Variants in RAPH1 observed in about 807,000 individuals in gnomAD.
The protein encoded by RAPH1 is Ras association (RalGDS/AF-6) and pleckstrin homology domains 1, also known as ras-associated and pleckstrin homology domains-containing protein 1.
RAPH1 carries 18 observed loss-of-function variants against 88.1 expected under a neutral mutation model. The observed-to-expected ratio is 0.20, with a 90% CI of 0.14 to 0.30. The LOEUF is 0.30. RAPH1 is among the 10% of genes least tolerant of loss of function. The pLI, the probability that RAPH1 is intolerant of heterozygous loss-of-function variation, is 1.00. For missense variants in RAPH1, 1,448 were observed against 1,543.2 expected, an observed-to-expected ratio of 0.94 and a Z score of 1.03; for synonymous variants, 587 against 559.0, an observed-to-expected ratio of 1.05 and a Z score of -0.71.
intron 1 of RAPH1, among the ~76,000 whole-genome samples, chr2:203,511,995 C>T (rs1305173087): frequency 1.3e-5 from 2 of 151,594 alleles, no homozygotes; most frequent in Non-Finnish European, 1.5e-5. Context: ...CCCCTATAGT[C>T]CCAGCTACTC....
At position 203,448,474 on chromosome 2, in the gene RAPH1, T is replaced by C. The variant is rs1473775723; in HGVS notation, c.1512+264A>G. 6.6e-6 allele frequency among the ~76,000 whole-genome samples: 1 copy of C among 152,216 alleles called. No homozygotes were observed. The highest frequency in any genetic ancestry group is 1.5e-5 in the Non-Finnish European group (1 of 68,036). On this transcript the variant is annotated intron_variant, in intron 11 of 13. Coordinates refer to ENST00000319170, the MANE Select transcript of RAPH1 (RefSeq NM_213589.3). This position sits in a 1 kb window ranked among gnomAD's most constrained non-coding sequence, Gnocchi z 4.1. ...ACTCTACTATTTAAGAATCATATAATGCATTCTCCAAAGCCAAAATAAATC... is the reference window on the plus strand; with the variant it reads ...ACTCTACTATTTAAGAATCATATAACGCATTCTCCAAAGCCAAAATAAATC...
chr2:203,534,452 A>C (rs1690520257), intron 1 of RAPH1, among the ~76,000 whole-genome samples: 1 of 142,474 alleles, frequency 7.0e-6, no homozygotes, highest in African/African-American at 2.6e-5. Context: ...ACATCTTTCA[A>C]CCTGTCTTAA....
chr2:203,499,900 C>T (rs554304473), intron 1 of RAPH1, among the ~76,000 whole-genome samples: 1 of 152,248 alleles, frequency 6.6e-6, no homozygotes, highest in South Asian at 2.1e-4. Flanking sequence ...AATGAGGTGC[C>T]CCCAGACATT....
Position 203,520,549 on chromosome 2 carries a change from C to T in RAPH1, c.-1+14562G>A, listed in dbSNP as rs1178026797. Among the ~76,000 whole-genome samples, 5 of 152,020 alleles carry T rather than the reference C, an allele frequency of 3.3e-5. No individual in the cohort carries two copies. The East Asian group carries it at 5.8e-4, about 18-fold the overall frequency. Reference sequence around the variant, plus strand: ...GGCTGAGGCAGGAGAATCGCCTGAACCCAGGAGGTGGAGGATGCAGTGAGC... The same window carrying T: ...GGCTGAGGCAGGAGAATCGCCTGAATCCAGGAGGTGGAGGATGCAGTGAGC... On this transcript the variant is annotated intron_variant, in intron 1 of 13. Coordinates refer to ENST00000319170, the MANE Select transcript of RAPH1 (RefSeq NM_213589.3).
Position 203,489,022 on chromosome 2 carries a change from A to T in RAPH1, c.732+562T>A, listed in dbSNP as rs75368795. On this transcript the variant is annotated intron_variant, in intron 4 of 13. Coordinates refer to ENST00000319170, the MANE Select transcript of RAPH1 (RefSeq NM_213589.3). Reference sequence around the variant, plus strand: ...GCCTGTAATCCCAGCTACACTTGGGAGTCTGAGGCAGGAGAATCACTTGAA... The same window carrying T: ...GCCTGTAATCCCAGCTACACTTGGGTGTCTGAGGCAGGAGAATCACTTGAA... 5.5e-4 allele frequency among the ~76,000 whole-genome samples: 83 copies of T among 152,116 alleles called. No homozygotes were observed. In the East Asian group the frequency reaches 0.015, roughly 28 times the overall value.
intron 1 of RAPH1, among the ~76,000 whole-genome samples, chr2:203,525,821 G>A (rs977275016): frequency 6.6e-6 from 1 of 152,102 alleles, no homozygotes; most frequent in African/African-American, 2.4e-5. Context: ...CAAGAAGCTG[G>A]AGACAAAAGC....
intron 1 of RAPH1, among the ~76,000 whole-genome samples, chr2:203,534,633 A>G (rs1013497074): frequency 4.6e-5 from 7 of 152,090 alleles, no homozygotes; most frequent in South Asian, 2.1e-4. Flanking sequence ...TAGAAAGAAG[A>G]CACAGAAGGA....
In RAPH1 at chr2:203,485,711, G is replaced by T. The variant is rs145513391; in HGVS notation, c.732+3873C>A. On this transcript the variant is annotated intron_variant, in intron 4 of 13. Transcript: ENST00000319170. ...AGAGCAGTGGTGATTCTCAATTGGG[G>T]GTGGATTTTGTCCTACAAGCAACAT... Among the ~76,000 whole-genome samples, 7 of 152,184 alleles carry T rather than the reference G, an allele frequency of 4.6e-5. No individual in the cohort carries two copies. The East Asian group carries it at 1.2e-3, about 25-fold the overall frequency.
chr2:203,501,816 A>ACC (rs1559490631), intron 1 of RAPH1, among the ~76,000 whole-genome samples: 11 of 28,770 alleles, frequency 3.8e-4, no homozygotes, highest in African/African-American at 1.3e-3. Context: ...AAGCATTATG[A>ACC]AAAAAAAAAA....
At chr2:203,495,636 C>G (rs186922308) in intron 1 of RAPH1, among the ~76,000 whole-genome samples, 181 of 152,138 alleles carry the variant, frequency 1.2e-3, no homozygotes, top group Non-Finnish European at 2.2e-3. Flanking sequence ...ACAGAGCACC[C>G]CTTTCAATCA....
At chr2:203,458,733 G>C (rs1446478816) in intron 7 of RAPH1, among the ~76,000 whole-genome samples, 1 of 151,834 alleles carries the variant, frequency 6.6e-6, no homozygotes, top group East Asian at 1.9e-4. Flanking sequence ...AGAACCCATG[G>C]ATATAGAGGG....
chr2:203,478,486 T>G (rs775765520), intron 4 of RAPH1, among the ~76,000 whole-genome samples: 2 of 146,006 alleles, frequency 1.4e-5, no homozygotes, highest in Non-Finnish European at 3.0e-5. Flanking sequence ...TCATTTTTTG[T>G]TTTTTTTTGT....
rs770297409 is a variant in RAPH1 at position 203,441,236 on chromosome 2, G to A, written c.1954C>T (p.Gln652Ter). Reference sequence around the variant, plus strand: ...GCTGAGCCTGCAGAAGGTGCAGACTGGCTGGGGAGTGGGGGAGGAGGGGGT... The same window carrying A: ...GCTGAGCCTGCAGAAGGTGCAGACTAGCTGGGGAGTGGGGGAGGAGGGGGT... ...PPPPPPPLPS[Q>*]SAPSAGSAAP... The change falls in exon 14 of 14, where the codon CAG (glutamine) becomes TAG (stop). Residue 652 changes from glutamine to a stop codon, truncating the protein, a stop_gained. Transcript: ENST00000319170. LOFTEE classifies it low-confidence loss of function (END_TRUNC). The A allele has an allele frequency of 6.4e-7, 1 of 1,554,608 alleles. No individual in the cohort carries two copies. The highest frequency in any genetic ancestry group is 8.8e-7 in the Non-Finnish European group (1 of 1,139,188).
intron 13 of RAPH1, chr2:203,441,738 G>A: frequency 7.8e-7 from 1 of 1,285,024 alleles, no homozygotes; most frequent in Admixed American, 3.8e-5. Flanking sequence ...GTATGACTTT[G>A]ACACAGCCTG....
intron 1 of RAPH1, among the ~76,000 whole-genome samples, chr2:203,513,662 C>G (rs1689463640): frequency 6.6e-6 from 1 of 150,514 alleles, no homozygotes; most frequent in Non-Finnish European, 1.5e-5. Flanking sequence ...TGGTGAAACC[C>G]CGTCTCTACT....
intron 7 of RAPH1, 137 bp downstream of exon 7, chr2:203,459,770 T>G: frequency 1.2e-6 from 1 of 856,970 alleles, no homozygotes; most frequent in Non-Finnish European, 1.9e-6. Flanking sequence ...CAGTAGTAGA[T>G]GATGCTCCTA....
chr2:203,506,503 G>A (rs1003927921), intron 1 of RAPH1, among the ~76,000 whole-genome samples: 2 of 151,156 alleles, frequency 1.3e-5, no homozygotes, highest in Admixed American at 6.6e-5. Context: ...CTGGGCAACA[G>A]AGCGAGACTC....
chr2:203,467,873 T>C (rs1425052236), intron 4 of RAPH1, among the ~76,000 whole-genome samples: 1 of 151,892 alleles, frequency 6.6e-6, no homozygotes, highest in Non-Finnish European at 1.5e-5. Context: ...GCTCAGGTGA[T>C]TCTCCCACCT....
intron 7 of RAPH1, among the ~76,000 whole-genome samples, chr2:203,458,696 T>A (rs912647646): frequency 6.6e-6 from 1 of 152,216 alleles, no homozygotes; most frequent in African/African-American, 2.4e-5. Flanking sequence ...ATATTTTAGA[T>A]CTGCAGTTGT....
Sources: gnomAD v4.1 joint callset for allele counts (sites outside exome capture counted in the v4.1 genomes callset) on GRCh38, gnomAD v4.1.1 for gene constraint, Gnocchi (gnomAD v3.1) non-coding constraint, MANE v1.5 for transcripts, NCBI Gene and HGNC (gene_info 2026-07-23, HGNC 2026-07-21) for gene names.